Variants in ARL15 observed in about 807,000 individuals in gnomAD.
The protein encoded by ARL15 is ARF like GTPase 15.
A neutral mutation model predicts 25.2 loss-of-function variants in ARL15; 19 were observed. That is an observed-to-expected ratio of 0.75 (90% CI 0.53 to 1.10). The LOEUF is 1.10. Among genes scored for constraint, ARL15 ranks in the 50% least tolerant of loss-of-function variants. ARL15 has a pLI of 0.00. For missense variants in ARL15, 220 were observed against 246.0 expected (o/e 0.89, Z 0.71); for synonymous variants, 94 against 86.8 (o/e 1.08, Z -0.46).
At chr5:54,158,097 A>AG (rs528503592) in intron 2 of ARL15, among the ~76,000 whole-genome samples, 27 of 152,290 alleles carry the variant, frequency 1.8e-4, no homozygotes, top group African/African-American at 5.8e-4. Context: ...GATGAGGCCA[A>AG]GGGGGAGAAT....
chr5:54,193,123 C>T (rs1755452895), intron 1 of ARL15, among the ~76,000 whole-genome samples: 1 of 152,110 alleles, frequency 6.6e-6, no homozygotes. Flanking sequence ...TCTAGATCTC[C>T]CTTAAGTACT....
intron 1 of ARL15, among the ~76,000 whole-genome samples, chr5:54,198,992 A>T (rs936858093): frequency 3.3e-5 from 5 of 151,704 alleles, no homozygotes; most frequent in Admixed American, 2.0e-4. Context: ...AAATAATGCC[A>T]CATATCTACA....
intron 1 of ARL15, among the ~76,000 whole-genome samples, chr5:54,209,969 CAG>C (rs1206500369): frequency 6.6e-6 from 1 of 151,996 alleles, no homozygotes; most frequent in African/African-American, 2.4e-5. Context: ...GCTAATAAAA[CAG>C]AAGAGCTAAG....
intron 1 of ARL15, among the ~76,000 whole-genome samples, chr5:54,300,862 C>A (rs1266346687): frequency 1.3e-5 from 2 of 152,210 alleles, no homozygotes; most frequent in Non-Finnish European, 2.9e-5. Context: ...TGCAGGCAAA[C>A]TTTCAGAGTT....
At chr5:54,221,475 A>AG (rs1448167983) in intron 1 of ARL15, among the ~76,000 whole-genome samples, 1 of 152,200 alleles carries the variant, frequency 6.6e-6, no homozygotes, top group Non-Finnish European at 1.5e-5. Flanking sequence ...CTCTTACTTA[A>AG]GGGATTTTTC....
At chr5:54,062,187 G>C (rs556233138) in intron 4 of ARL15, among the ~76,000 whole-genome samples, 2 of 152,268 alleles carry the variant, frequency 1.3e-5, no homozygotes, top group South Asian at 4.1e-4. Context: ...TAACTAACTT[G>C]CTTTTGATTT....
At chr5:53,907,895 C>T (rs1745323133) in intron 4 of ARL15, among the ~76,000 whole-genome samples, 1 of 152,002 alleles carries the variant, frequency 6.6e-6, no homozygotes, top group African/African-American at 2.4e-5. Context: ...TTGCTTTGGG[C>T]ATCTAGAAAT....
intron 3 of ARL15, among the ~76,000 whole-genome samples, chr5:54,117,425 CATA>C (rs1343287345): frequency 7.4e-6 from 1 of 135,650 alleles, no homozygotes; most frequent in Non-Finnish European, 1.6e-5. Flanking sequence ...AGAGAAATAC[CATA>C]ACTTTAAAAA....
At chr5:54,060,158 G>C (rs1262122237) in intron 4 of ARL15, among the ~76,000 whole-genome samples, 2 of 139,774 alleles carry the variant, frequency 1.4e-5, no homozygotes, top group African/African-American at 5.7e-5. Context: ...AAAAACCCCG[G>C]GTGCGGTGTC....
chr5:53,966,710 G>A (rs538718526), intron 4 of ARL15, among the ~76,000 whole-genome samples: 1 of 152,190 alleles, frequency 6.6e-6, no homozygotes, highest in South Asian at 2.1e-4. Flanking sequence ...CCGTGTTGAC[G>A]ACTGTTACTG....
Position 53,885,463 on chromosome 5 carries a change from G to C in ARL15, c.*1098C>G, listed in dbSNP as rs1744494454. The C allele has an allele frequency of 1.3e-5, 2 of 152,424 alleles. No individual in the cohort carries two copies. Among genetic ancestry groups the C allele is most frequent in the Non-Finnish European group, 2.9e-5 (2 of 67,988 alleles). The allele number at this position is 152,424 out of a possible 1,614,324, so 9.4% of individuals were successfully genotyped here. ...ATATTATTTATTTGCTGCAGCCCCA[G>C]CACAATTTTAAGGGCACATTGAAAC... On this transcript the variant is annotated 3_prime_UTR_variant, in exon 5 of 5. Coordinates refer to ENST00000504924, the MANE Select transcript of ARL15 (RefSeq NM_019087.3).
chr5:54,125,462 C>G (rs928006682), intron 3 of ARL15, among the ~76,000 whole-genome samples: 2 of 152,152 alleles, frequency 1.3e-5, no homozygotes, highest in African/African-American at 4.8e-5. Context: ...ACGCTGCCCC[C>G]ACAAGGAAAT....
At chr5:54,221,845 A>G (rs952621058) in intron 1 of ARL15, among the ~76,000 whole-genome samples, 1 of 151,428 alleles carries the variant, frequency 6.6e-6, no homozygotes, top group African/African-American at 2.4e-5. Context: ...ACACACACAC[A>G]CACACACACA....
rs185186419 is a variant in ARL15, at chr5:54,095,194, A to G, written c.462+18008T>C. ...CCATCATATGTTACCTGGGTCACAGAGGGCATGAATTTAATAAGAGGTATT... is the reference window on the plus strand; with the variant it reads ...CCATCATATGTTACCTGGGTCACAGGGGGCATGAATTTAATAAGAGGTATT... On this transcript the variant is annotated intron_variant, in intron 4 of 4. Coordinates refer to ENST00000504924, the MANE Select transcript of ARL15 (RefSeq NM_019087.3). Among the ~76,000 whole-genome samples, 6 of 152,302 alleles carry G rather than the reference A, an allele frequency of 3.9e-5. No homozygotes were observed. In the East Asian group the frequency reaches 9.6e-4, roughly 24 times the overall value.
chr5:53,893,410 T>C (rs1447357647), intron 4 of ARL15, among the ~76,000 whole-genome samples: 2 of 152,090 alleles, frequency 1.3e-5, no homozygotes, highest in Non-Finnish European at 2.9e-5. Context: ...ATTGAGACCA[T>C]CCTGGCTAAC....
At chr5:54,232,953 G>A (rs1321248478) in intron 1 of ARL15, among the ~76,000 whole-genome samples, 1 of 152,166 alleles carries the variant, frequency 6.6e-6, no homozygotes, top group Non-Finnish European at 1.5e-5. Flanking sequence ...GGATCTGCAG[G>A]ATCAAAACTA....
intron 4 of ARL15, among the ~76,000 whole-genome samples, chr5:53,967,900 G>T (rs1747615095): frequency 6.6e-6 from 1 of 152,070 alleles, no homozygotes; most frequent in Middle Eastern, 3.2e-3. Flanking sequence ...GGGAAATAGA[G>T]AAGTGAGGAC....
chr5:53,988,355 T>G (rs1173950161), intron 4 of ARL15, among the ~76,000 whole-genome samples: 1 of 151,796 alleles, frequency 6.6e-6, no homozygotes, highest in Non-Finnish European at 1.5e-5. Flanking sequence ...GATAAGATCT[T>G]TTCAACTTTA....
chr5:53,939,465 G>A (rs1257530844), intron 4 of ARL15, among the ~76,000 whole-genome samples: 15 of 152,144 alleles, frequency 9.9e-5, no homozygotes, highest in Non-Finnish European at 2.1e-4. Context: ...GGCCGGGCGC[G>A]ATGGCTCACG....
Sources: allele counts gnomAD v4.1 joint callset (sites outside exome capture counted in the v4.1 genomes callset), GRCh38; gene constraint gnomAD v4.1.1; transcripts MANE v1.5; gene names NCBI Gene and HGNC (gene_info 2026-07-23, HGNC 2026-07-21).